PSMD12: variants seen among roughly 807,000 people sequenced by gnomAD.
PSMD12 encodes the protein 26S proteasome non-ATPase regulatory subunit 12.
A neutral mutation model predicts 62.9 loss-of-function variants in PSMD12; 8 were observed. The observed-to-expected ratio is 0.13, with a 90% CI of 0.07 to 0.23. The LOEUF (loss-of-function observed/expected upper bound fraction) is 0.23, where lower values mean the gene tolerates loss of function less well. PSMD12 is among the 10% of genes least tolerant of loss of function. The pLI, the probability that PSMD12 is intolerant of heterozygous loss-of-function variation, is 1.00. For missense variants in PSMD12, 424 were observed against 550.2 expected, an observed-to-expected ratio of 0.77 and a Z score of 2.29; for synonymous variants, 173 against 187.4, an observed-to-expected ratio of 0.92 and a Z score of 0.63.
At chr17:67,353,024 C>T (rs1259418385) in intron 3 of PSMD12, among the ~76,000 whole-genome samples, 1 of 152,150 alleles carries the variant, frequency 6.6e-6, no homozygotes, top group Non-Finnish European at 1.5e-5. Context: ...TGGTTTTGTA[C>T]TATCTGTGGT....
chr17:67,350,519 C>T (rs1327973607), intron 3 of PSMD12, among the ~76,000 whole-genome samples, 183 bp from the exon 4 acceptor site: 1 of 152,164 alleles, frequency 6.6e-6, no homozygotes, highest in Non-Finnish European at 1.5e-5. Context: ...TACCCCGTAA[C>T]AAGTCAGTAA....
intron 1 of PSMD12, among the ~76,000 whole-genome samples, chr17:67,358,358 A>G (rs1448921714): frequency 2.0e-5 from 3 of 152,074 alleles, no homozygotes; most frequent in African/African-American, 7.2e-5. Context: ...TCTTGAACTC[A>G]GGAGTTCGAG....
Position 67,341,039 on chromosome 17 carries a change from A to C in PSMD12, c.1175T>G (p.Phe392Cys). 6.4e-7 allele frequency: 1 copy of C among 1,550,410 alleles called. No homozygotes were observed. Among genetic ancestry groups the C allele is most frequent in the Non-Finnish European group, 8.6e-7 (1 of 1,156,190 alleles). The change falls in exon 11 of 11, where the codon TTT becomes TGT. Residue 392 changes from phenylalanine to cysteine, a missense_variant. By Grantham distance (205) the Phe-to-Cys change is radical. Coordinates refer to ENST00000356126, the MANE Select transcript of PSMD12 (RefSeq NM_002816.5). ...CTTGTTAACTACTAGATTTGAGAGA[A>C]AGGCTTCGGACTCCTGCAAGAGAGA... is the stretch of plus-strand genomic sequence containing the variant. ...LDLSVDESEA[F>C]LSNLVVNKTI...
chr17:67,349,847 C>T (rs9303518), intron 4 of PSMD12, among the ~76,000 whole-genome samples: 110,935 of 152,024 alleles, frequency 0.73, 41,025 homozygotes, highest in Non-Finnish European at 0.79. Flanking sequence ...AATATCAAAC[C>T]AATTACAGCT....
In PSMD12 at chr17:67,361,642, T is replaced by C. The variant is rs537692281; in HGVS notation, c.109-4064A>G. Among the ~76,000 whole-genome samples the C allele has an allele frequency of 3.3e-3, 495 of 152,088 alleles. 1 individual carries two copies. The highest frequency in any genetic ancestry group is 5.7e-3 in the Non-Finnish European group (390 of 67,972). On this transcript the variant is annotated intron_variant, in intron 1 of 10. Coordinates refer to ENST00000356126, the MANE Select transcript of PSMD12 (RefSeq NM_002816.5). Reference sequence around the variant, plus strand: ...CCAGTCCAATACTCCCCCTACATAGTCCAACTTTTAAAGTGACCTATTCCT... The same window carrying C: ...CCAGTCCAATACTCCCCCTACATAGCCCAACTTTTAAAGTGACCTATTCCT...
intron 3 of PSMD12, among the ~76,000 whole-genome samples, chr17:67,353,541 A>G (rs1316957456): frequency 3.9e-5 from 6 of 152,176 alleles, no homozygotes; most frequent in African/African-American, 1.4e-4. Flanking sequence ...TCCTGAGCTC[A>G]GGAAATCCGC....
Position 67,338,765 on chromosome 17 carries a change from C to G in PSMD12, c.*2078G>C, listed in dbSNP as rs866762932. On this transcript the variant is annotated 3_prime_UTR_variant, in exon 11 of 11. Transcript: ENST00000356126. ...TACTTGGGAGGTTGAGGCAGGAGAA[C>G]TGCTTGAATATGGGAGGCAAAGGTT... 3.3e-5 allele frequency: 5 copies of G among 152,186 alleles called. No individual in the cohort carries two copies. The South Asian group carries it at 8.3e-4, about 25-fold the overall frequency. The allele number at this position is 152,186 out of a possible 1,614,324, so 9.4% of individuals were successfully genotyped here.
At chr17:67,351,732 T>G (rs2042020024) in intron 3 of PSMD12, among the ~76,000 whole-genome samples, 1 of 151,796 alleles carries the variant, frequency 6.6e-6, no homozygotes, top group Admixed American at 6.6e-5. Context: ...CAGGTAACCC[T>G]CACCTCCTTT....
intron 5 of PSMD12, 119 bp from the exon 6 acceptor site, chr17:67,347,604 AG>A (rs1264002784): frequency 2.0e-6 from 2 of 999,978 alleles, no homozygotes; most frequent in Non-Finnish European, 2.8e-6. Context: ...TCATGTATAT[AG>A]GGAGAGTGTT....
At chr17:67,364,126 T>C (rs991053516) in intron 1 of PSMD12, among the ~76,000 whole-genome samples, 3 of 151,294 alleles carry the variant, frequency 2.0e-5, no homozygotes, top group Non-Finnish European at 4.4e-5. Context: ...GAGTGTAGGG[T>C]AACCATCTAA....
intron 9 of PSMD12, among the ~76,000 whole-genome samples, chr17:67,342,685 C>T (rs1223511071): frequency 6.6e-6 from 1 of 151,864 alleles, no homozygotes; most frequent in Non-Finnish European, 1.5e-5. Flanking sequence ...ACCTGTAATC[C>T]CAGCACTTTG....
chr17:67,348,678 T>C (rs1319867910), intron 4 of PSMD12, 24 bp from the exon 5 acceptor site: 3 of 1,587,876 alleles, frequency 1.9e-6, no homozygotes, highest in Non-Finnish European at 1.7e-6. Context: ...ATTTACACAA[T>C]CAAAATTCCA....
chr17:67,366,239 T>G (rs1217557364), intron 1 of PSMD12, among the ~76,000 whole-genome samples, 173 bp downstream of exon 1: 3 of 152,164 alleles, frequency 2.0e-5, no homozygotes, highest in African/African-American at 7.2e-5. Context: ...GCTGGCGTAC[T>G]CCGCAGCCCT....
chr17:67,348,448 T>C (rs991929332), intron 5 of PSMD12, 102 bp downstream of exon 5: 27 of 913,374 alleles, frequency 3.0e-5, no homozygotes, highest in Non-Finnish European at 4.6e-5. Flanking sequence ...AAATAATTAT[T>C]GGTCCCAAAC....
chr17:67,341,314 C>T (rs563391041), intron 10 of PSMD12, among the ~76,000 whole-genome samples: 1 of 151,412 alleles, frequency 6.6e-6, no homozygotes, highest in Admixed American at 6.6e-5. Context: ...ACTAAAAATA[C>T]CAAAATTAGC....
At chr17:67,352,765 CA>C (rs1475706831) in intron 3 of PSMD12, among the ~76,000 whole-genome samples, 1 of 152,192 alleles carries the variant, frequency 6.6e-6, no homozygotes, top group African/African-American at 2.4e-5. Flanking sequence ...TGCAGTCCCT[CA>C]AATCACCCTT....
chr17:67,351,571 G>A (rs1158369206), intron 3 of PSMD12, among the ~76,000 whole-genome samples: 1 of 151,920 alleles, frequency 6.6e-6, no homozygotes, highest in Non-Finnish European at 1.5e-5. Context: ...AAATGTTTTT[G>A]TTGTGGAGGT....
At chr17:67,358,041 C>A (rs2042092999) in intron 1 of PSMD12, among the ~76,000 whole-genome samples, 1 of 152,104 alleles carries the variant, frequency 6.6e-6, no homozygotes, top group African/African-American at 2.4e-5. Context: ...CATGCCTCAG[C>A]CTCCGGAGCA....
rs2042003373 is a variant in PSMD12 at position 67,350,104 on chromosome 17, G to T, written c.405+125C>A. On this transcript the variant is annotated intron_variant, in intron 4 of 10. Transcript: ENST00000356126. ...ACATTATTGGTTGAATTACAGTGAT[G>T]ACATTTTGTGTATTTCTTTAAAAAA... 1.6e-5 allele frequency: 9 copies of T among 562,938 alleles called. No individual in the cohort carries two copies. In the South Asian group the frequency reaches 2.5e-4, roughly 16 times the overall value. The allele number at this position is 562,938 out of a possible 1,614,324, so 34.9% of individuals were successfully genotyped here.
Sources: gnomAD v4.1 joint callset for allele counts (sites outside exome capture counted in the v4.1 genomes callset) on GRCh38, gnomAD v4.1.1 for gene constraint, MANE v1.5 for transcripts, NCBI Gene and HGNC (gene_info 2026-07-23, HGNC 2026-07-21) for gene names.